SH3PXD2B: variants seen among roughly 807,000 people sequenced by gnomAD.
SH3PXD2B encodes SH3 and PX domain-containing protein 2B.
SH3PXD2B carries 37 observed loss-of-function variants against 73.1 expected under a neutral mutation model. The ratio of observed to expected loss-of-function variants is 0.51; its 90% CI spans 0.39 to 0.67. The LOEUF (loss-of-function observed/expected upper bound fraction) is 0.67, where lower values mean the gene tolerates loss of function less well. Among genes scored for constraint, SH3PXD2B ranks in the 30% least tolerant of loss-of-function variants. The pLI, the probability that SH3PXD2B is intolerant of heterozygous loss-of-function variation, is 0.00. For synonymous variants in SH3PXD2B, 457 were observed against 480.5 expected (o/e 0.95, Z 0.64); for missense variants, 1,053 against 1,197.8 (o/e 0.88, Z 1.78).
chr5:172,328,007 G>A (rs1363849288), intron 12 of SH3PXD2B, among the ~76,000 whole-genome samples: 2 of 151,550 alleles, frequency 1.3e-5, no homozygotes, highest in Admixed American at 6.6e-5. Flanking sequence ...CACCCACTTC[G>A]GTTTCCCAAA....
intron 12 of SH3PXD2B, 125 bp downstream of exon 12, chr5:172,346,011 T>C: frequency 6.9e-7 from 1 of 1,446,894 alleles, no homozygotes; most frequent in Non-Finnish European, 9.7e-7. Context: ...ATGTGAACCA[T>C]AAAGCTGTTA....
chr5:172,369,362 G>T (rs935411003), intron 6 of SH3PXD2B, among the ~76,000 whole-genome samples: 4 of 152,004 alleles, frequency 2.6e-5, no homozygotes, highest in Non-Finnish European at 4.4e-5. Context: ...GCCTATAAAG[G>T]CTAACATATT....
chr5:172,387,673 G>A (rs994222648), intron 4 of SH3PXD2B, among the ~76,000 whole-genome samples: 1 of 152,204 alleles, frequency 6.6e-6, no homozygotes, highest in East Asian at 1.9e-4. Flanking sequence ...ATTTCAAGGA[G>A]CTTCCAGAAA....
At chr5:172,399,482 A>T (rs1758381049) in intron 3 of SH3PXD2B, among the ~76,000 whole-genome samples, 1 of 152,190 alleles carries the variant, frequency 6.6e-6, no homozygotes, top group Non-Finnish European at 1.5e-5. Flanking sequence ...CCAGGAGATC[A>T]TCAAAAGAAA....
At chr5:172,426,271 C>T (rs1339428618) in intron 1 of SH3PXD2B, among the ~76,000 whole-genome samples, 1 of 152,226 alleles carries the variant, frequency 6.6e-6, no homozygotes, top group Non-Finnish European at 1.5e-5. Flanking sequence ...TAGCGTAGGG[C>T]TTTGTCCCCG....
At chr5:172,432,921 A>G (rs1167320441) in intron 1 of SH3PXD2B, among the ~76,000 whole-genome samples, 2 of 37,886 alleles carry the variant, frequency 5.3e-5, no homozygotes, top group African/African-American at 1.0e-4. Context: ...GTCTCAAAAA[A>G]AAAAGGGGGG....
chr5:172,336,189 C>A lies in SH3PXD2B; in HGVS notation c.*2180G>T. 1 of 985,606 alleles carries A rather than the reference C, an allele frequency of 1.0e-6. No individual in the cohort carries two copies. Among genetic ancestry groups the A allele is most frequent in the Non-Finnish European group, 1.2e-6 (1 of 830,068 alleles). The allele number at this position is 985,606 out of a possible 1,614,324, so 61.1% of individuals were successfully genotyped here. A position where few individuals can be genotyped will look rare whatever the true frequency, so the allele number is the denominator to read the frequency against. ...GAAAGCGTCGCTGAAAGGCAAAGAG[C>A]AAATCAGAAAAAAACATGTGTTTTG... On this transcript the variant is annotated 3_prime_UTR_variant, in exon 13 of 13. Coordinates refer to ENST00000311601, the MANE Select transcript of SH3PXD2B (RefSeq NM_001017995.3).
chr5:172,407,585 G>C (rs1048736629), intron 2 of SH3PXD2B, among the ~76,000 whole-genome samples: 6 of 152,240 alleles, frequency 3.9e-5, no homozygotes, highest in African/African-American at 1.4e-4. Context: ...TGGTGAGGGA[G>C]AAAGTCCCAA....
At chr5:172,378,017 C>A (rs1163762578) in intron 5 of SH3PXD2B, among the ~76,000 whole-genome samples, 1 of 150,170 alleles carries the variant, frequency 6.7e-6, no homozygotes, top group Non-Finnish European at 1.5e-5. Flanking sequence ...CAAGCCCAAG[C>A]CAGCAAGCTA....
intron 7 of SH3PXD2B, among the ~76,000 whole-genome samples, chr5:172,360,799 G>A (rs1364509574): frequency 1.3e-5 from 2 of 152,166 alleles, no homozygotes; most frequent in Admixed American, 6.5e-5. Flanking sequence ...GCCACTGCAT[G>A]CCAGCCGGGG....
At chr5:172,368,632 T>C (rs1312994768) in intron 6 of SH3PXD2B, among the ~76,000 whole-genome samples, 1 of 25,146 alleles carries the variant, frequency 4.0e-5, no homozygotes, top group Non-Finnish European at 5.4e-5. Context: ...ATATATATAA[T>C]ATATATGTTA....
In SH3PXD2B at chr5:172,368,842, C is replaced by T. The variant is rs969714080; in HGVS notation, c.427+4948G>A. On this transcript the variant is annotated intron_variant, in intron 6 of 12. Transcript: ENST00000311601. ...ATATATAAAATACATTTTTATAATA[C>T]ATAATATATAGTATATATATATGTT... 7.9e-5 allele frequency among the ~76,000 whole-genome samples: 10 copies of T among 127,204 alleles called. 1 individual carries two copies. The South Asian group carries it at 1.8e-3, about 23-fold the overall frequency. 83.5% of individuals were successfully genotyped at this position (127,204 alleles called of 152,430 possible). A position where few individuals can be genotyped will look rare whatever the true frequency, so the allele number is the denominator to read the frequency against.
At chr5:172,390,815 T>TTGTG (rs56116617) in intron 4 of SH3PXD2B, among the ~76,000 whole-genome samples, 16,318 of 139,696 alleles carry the variant, frequency 0.12, 996 homozygotes, top group East Asian at 0.25. Flanking sequence ...TTCCCGTCTT[T>TTGTG]TGTGTGTGTG....
At chr5:172,358,473 G>C (rs1429675052) in intron 8 of SH3PXD2B, among the ~76,000 whole-genome samples, 1 of 152,222 alleles carries the variant, frequency 6.6e-6, no homozygotes, top group Non-Finnish European at 1.5e-5. Context: ...GGGAGGAATA[G>C]TGAACTGTTT....
chr5:172,414,456 TAAAAAAAAAAAAA>T (rs1007937801), intron 2 of SH3PXD2B, among the ~76,000 whole-genome samples: 3 of 77,566 alleles, frequency 3.9e-5, no homozygotes, highest in East Asian at 3.9e-4. Context: ...GACTCCATCT[TAAAAAAAAAAAAA>T]AAAAAAAAAA....
intron 1 of SH3PXD2B, among the ~76,000 whole-genome samples, chr5:172,440,846 C>T (rs903989042): frequency 2.6e-5 from 4 of 152,104 alleles, no homozygotes; most frequent in African/African-American, 9.7e-5. Flanking sequence ...AAGTGGGGGT[C>T]CTAGAGAAGC....
At chr5:172,414,362 C>T (rs918016345) in intron 2 of SH3PXD2B, among the ~76,000 whole-genome samples, 1 of 150,074 alleles carries the variant, frequency 6.7e-6, no homozygotes, top group Non-Finnish European at 1.5e-5. Flanking sequence ...CCAGCTACTC[C>T]GGAGGCTGAG....
Position 172,452,265 on chromosome 5 carries a change from CA to C in SH3PXD2B, c.75+2012del, listed in dbSNP as rs934234832. ...TATGTTTTAACATAGAAACTTGTCT[CA>C]GGGGGCCCCCAAAAAGTGGCTGAAA... On this transcript the variant is annotated intron_variant, in intron 1 of 12. Coordinates refer to ENST00000311601, the MANE Select transcript of SH3PXD2B (RefSeq NM_001017995.3). 5.3e-5 allele frequency among the ~76,000 whole-genome samples: 8 copies of C among 152,266 alleles called. No individual in the cohort carries two copies. The East Asian group carries it at 5.8e-4, about 11-fold the overall frequency.
intron 1 of SH3PXD2B, among the ~76,000 whole-genome samples, chr5:172,436,476 A>G (rs1483958613): frequency 6.6e-6 from 1 of 151,874 alleles, no homozygotes; most frequent in East Asian, 1.9e-4. Flanking sequence ...ACATTTGAAA[A>G]CCCTCTTCTA....
Sources: gnomAD v4.1 joint callset for allele counts (sites outside exome capture counted in the v4.1 genomes callset) on GRCh38, gnomAD v4.1.1 for gene constraint, MANE v1.5 for transcripts, NCBI Gene and HGNC (gene_info 2026-07-23, HGNC 2026-07-21) for gene names.